The following DNAH11 variants were observed in gnomAD, a reference collection of about 807,000 sequenced individuals.
DNAH11 encodes the protein dynein axonemal heavy chain 11.
DNAH11 carries 442 observed loss-of-function variants against 526.0 expected under a neutral mutation model. That is an observed-to-expected ratio of 0.84 (90% CI 0.78 to 0.91). The LOEUF (loss-of-function observed/expected upper bound fraction) is 0.91, where lower values mean the gene tolerates loss of function less well. Ranked by LOEUF, DNAH11 falls within the 40% of genes least tolerant of loss-of-function variation. The pLI, the probability that DNAH11 is intolerant of heterozygous loss-of-function variation, is 0.00. For synonymous variants in DNAH11, 2,461 were observed against 1,935.9 expected (o/e 1.27, Z -7.12); for missense variants, 6,989 against 5,448.7 (o/e 1.28, Z -8.90).
chr7:21,620,019 A>G lies in DNAH11; in HGVS notation c.4441A>G (p.Thr1481Ala). The G allele has an allele frequency of 6.2e-7, 1 of 1,610,244 alleles. No homozygotes were observed. The highest frequency in any genetic ancestry group is 8.5e-7 in the Non-Finnish European group (1 of 1,178,634). Reference protein sequence around the residue: ...MKFSYEVHYRTGIPLLKSDEQ... With the variant: ...MKFSYEVHYRAGIPLLKSDEQ... ...GTTTTCTTACGAAGTTCACTATCGAACAGGCATTCCATTACTAAAGTCTGA... is the reference window on the plus strand; with the variant it reads ...GTTTTCTTACGAAGTTCACTATCGAGCAGGCATTCCATTACTAAAGTCTGA... Residue 1481 changes from threonine (T) to alanine (A), a missense_variant, in exon 25 of 82, where the codon ACA becomes GCA. By Grantham distance (58) the Thr-to-Ala change is moderately conservative. Transcript: ENST00000409508.
intron 55 of DNAH11, among the ~76,000 whole-genome samples, chr7:21,768,005 A>G (rs1787253174): frequency 6.6e-6 from 1 of 152,142 alleles, no homozygotes; most frequent in Non-Finnish European, 1.5e-5. Context: ...CCATCAGTAC[A>G]CACTCAGCAC....
chr7:21,789,098 G>A (rs918490187), intron 60 of DNAH11, 143 bp from the exon 61 acceptor site: 1 of 628,808 alleles, frequency 1.6e-6, no homozygotes, highest in Non-Finnish European at 2.7e-6. Context: ...AGACCAGTTT[G>A]AGCAACATGA....
intron 61 of DNAH11, among the ~76,000 whole-genome samples, chr7:21,797,318 C>G (rs150109737): frequency 0.031 from 4,679 of 151,664 alleles, 368 homozygotes; most frequent in African/African-American, 0.11. Context: ...CTCCGAGGTT[C>G]AAGCAGTTCT....
chr7:21,751,587 T>C (rs1211965036), intron 54 of DNAH11, among the ~76,000 whole-genome samples: 3 of 152,208 alleles, frequency 2.0e-5, no homozygotes, highest in South Asian at 2.1e-4. Flanking sequence ...CATATTGTTA[T>C]GCCTGTCAAG....
intron 63 of DNAH11, among the ~76,000 whole-genome samples, chr7:21,815,896 A>T (rs982640831): frequency 2.6e-5 from 4 of 151,990 alleles, no homozygotes; most frequent in African/African-American, 9.7e-5. Flanking sequence ...TTACTTTGCA[A>T]CGCAATCAAG....
At chr7:21,853,790 T>C (rs1782728724) in intron 67 of DNAH11, among the ~76,000 whole-genome samples, 1 of 152,244 alleles carries the variant, frequency 6.6e-6, no homozygotes, top group Non-Finnish European at 1.5e-5. Flanking sequence ...AATGGAAATA[T>C]ATGGACATAT....
chr7:21,849,488 C>T (rs963882335), intron 66 of DNAH11, among the ~76,000 whole-genome samples: 7 of 152,142 alleles, frequency 4.6e-5, no homozygotes, highest in African/African-American at 1.7e-4. Flanking sequence ...TTTAACATTT[C>T]TGGTAAGGCA....
chr7:21,704,511 C>T lies in DNAH11; in HGVS notation c.6351C>T (p.Val2117=), dbSNP rs535218781. ...ACATCCCAGTGTTTCTGGGCCTGGTCGGTGACCTGTTTCCAGCCCTGGATG... is the reference window on the plus strand; with the variant it reads ...ACATCCCAGTGTTTCTGGGCCTGGTTGGTGACCTGTTTCCAGCCCTGGATG... The part of the protein sequence containing the change: ...TDDIPVFLGL[V]GDLFPALDVP... The change falls in exon 38 of 82, where the codon GTC becomes GTT. Residue 2117 remains valine (V), a synonymous_variant. Coordinates refer to ENST00000409508, the MANE Select transcript of DNAH11 (RefSeq NM_001277115.2). 180 of 1,613,722 alleles carry T rather than the reference C, an allele frequency of 1.1e-4. 1 individual carries two copies. The East Asian group carries it at 3.7e-3, about 34-fold the overall frequency.
chr7:21,720,961 C>A, intron 44 of DNAH11, 105 bp downstream of exon 44: 1 of 1,381,296 alleles, frequency 7.2e-7, no homozygotes, highest in Non-Finnish European at 9.6e-7. Context: ...TGTTATAGAT[C>A]TATACTGCTT....
At chr7:21,712,731 A>C (rs2128481492) in intron 42 of DNAH11, among the ~76,000 whole-genome samples, 1 of 152,310 alleles carries the variant, frequency 6.6e-6, no homozygotes, top group East Asian at 1.9e-4. Context: ...GGTGCTTTTT[A>C]AAATTGTGCC....
At chr7:21,774,050 A>C in intron 56 of DNAH11, 51 bp downstream of exon 56, 2 of 1,412,994 alleles carry the variant, frequency 1.4e-6, no homozygotes. Flanking sequence ...GTTTAACAGA[A>C]AAATATATTT....
At position 21,564,067 on chromosome 7, in the gene DNAH11, A is replaced by G. The variant is rs568693745; in HGVS notation, c.983-119A>G. ...TAGGATAAGTAATATAAAAGGAACT[A>G]TGACAACATTTAAGTGTGGCCATGT... On this transcript the variant is annotated intron_variant, in intron 5 of 81. Coordinates refer to ENST00000409508, the MANE Select transcript of DNAH11 (RefSeq NM_001277115.2). 4.1e-5 allele frequency: 27 copies of G among 662,938 alleles called. No homozygotes were observed. In the South Asian group the frequency reaches 5.3e-4, roughly 13 times the overall value. The allele number at this position is 662,938 out of a possible 1,614,324, so 41.1% of individuals were successfully genotyped here. A position where few individuals can be genotyped will look rare whatever the true frequency, so the allele number is the denominator to read the frequency against.
chr7:21,582,728 A>T lies in DNAH11; in HGVS notation c.1710+707A>T, dbSNP rs1318743497. Among the ~76,000 whole-genome samples, 4 of 152,324 alleles carry T rather than the reference A, an allele frequency of 2.6e-5. No homozygotes were observed. The East Asian group carries it at 7.7e-4, about 29-fold the overall frequency. On this transcript the variant is annotated intron_variant, in intron 9 of 81. Coordinates refer to ENST00000409508, the MANE Select transcript of DNAH11 (RefSeq NM_001277115.2). ...CAAAGAAAAAAATCACAAATCAAGT[A>T]TAAATTAATAATTAGATAACGTCCC...
intron 30 of DNAH11, among the ~76,000 whole-genome samples, chr7:21,679,906 C>T (rs983633061): frequency 3.9e-5 from 6 of 152,254 alleles, no homozygotes; most frequent in African/African-American, 1.4e-4. Context: ...TTTTAGGGTA[C>T]ATGTGCACAA....
Position 21,545,160 on chromosome 7 carries a change from G to T in DNAH11, c.495+11G>T, listed in dbSNP as rs1317549312. 1 of 1,567,778 alleles carries T rather than the reference G, an allele frequency of 6.4e-7. No individual in the cohort carries two copies. The highest frequency in any genetic ancestry group is 8.7e-7 in the Non-Finnish European group (1 of 1,154,938). ...GCTTTCCTTGATGAGGTACTGGTCT[G>T]TCTTTAATATTTAAAGCTTTCACTT... On this transcript the variant is annotated intron_variant, in intron 2 of 81. Coordinates refer to ENST00000409508, the MANE Select transcript of DNAH11 (RefSeq NM_001277115.2).
intron 54 of DNAH11, among the ~76,000 whole-genome samples, chr7:21,751,617 G>A (rs1296233400): frequency 6.6e-6 from 1 of 152,148 alleles, no homozygotes; most frequent in Non-Finnish European, 1.5e-5. Flanking sequence ...GGCTGCGGCG[G>A]CTATAGAGCT....
chr7:21,868,110 T>C, intron 72 of DNAH11, 103 bp downstream of exon 72: 1 of 1,134,934 alleles, frequency 8.8e-7, no homozygotes, highest in African/African-American at 1.6e-5. Context: ...GTTTCTTTTT[T>C]TTTTTTTTTT....
intron 57 of DNAH11, among the ~76,000 whole-genome samples, chr7:21,779,965 C>T (rs1159874117): frequency 4.0e-5 from 6 of 151,868 alleles, no homozygotes; most frequent in African/African-American, 1.2e-4. Flanking sequence ...TTTTATGTTA[C>T]CTGAAAATAT....
In DNAH11 at chr7:21,779,120, A is replaced by C. The variant is rs2127982594; in HGVS notation, c.9483+16A>C. ...GGAGCGAAAGGTCAGGCTAATTCCA[A>C]CATTTAGAGTGCGGAGCTATATTTA... On this transcript the variant is annotated intron_variant, in intron 57 of 81. Coordinates refer to ENST00000409508, the MANE Select transcript of DNAH11 (RefSeq NM_001277115.2). 5 of 1,606,916 alleles carry C rather than the reference A, an allele frequency of 3.1e-6. No individual in the cohort carries two copies. Among genetic ancestry groups the C allele is most frequent in the Non-Finnish European group, 3.4e-6 (4 of 1,174,550 alleles).
Sources: allele counts gnomAD v4.1 joint callset (sites outside exome capture counted in the v4.1 genomes callset), GRCh38; gene constraint gnomAD v4.1.1; transcripts MANE v1.5; gene names NCBI Gene and HGNC (gene_info 2026-07-23, HGNC 2026-07-21).